SPIDR: variants seen among roughly 807,000 people sequenced by gnomAD.
The protein encoded by SPIDR is scaffold protein involved in DNA repair.
Under a neutral mutation model 104.6 loss-of-function variants are expected in SPIDR, and 93 were observed. The observed-to-expected ratio is 0.89, with a 90% confidence interval of 0.75 to 1.06. The LOEUF (loss-of-function observed/expected upper bound fraction) is 1.06. SPIDR is among the 50% of genes least tolerant of loss of function. SPIDR has a pLI of 0.00. For synonymous variants in SPIDR, 431 were observed against 416.9 expected (o/e 1.03, Z -0.41); for missense variants, 1,154 against 1,111.2 (o/e 1.04, Z -0.55).
chr8:47,401,379 T>C (rs554539006), intron 6 of SPIDR, among the ~76,000 whole-genome samples: 14 of 152,176 alleles, frequency 9.2e-5, no homozygotes, highest in Admixed American at 2.6e-4. Flanking sequence ...TGCAAAAACA[T>C]GCCAAATTGT....
intron 7 of SPIDR, among the ~76,000 whole-genome samples, chr8:47,438,854 G>T (rs1303557713): frequency 2.6e-5 from 4 of 152,056 alleles, no homozygotes; most frequent in African/African-American, 9.7e-5. Context: ...AAAAATTTGG[G>T]GTTGAATGGG....
At chr8:47,363,491 A>G (rs533844124) in intron 5 of SPIDR, among the ~76,000 whole-genome samples, 52 of 106,372 alleles carry the variant, frequency 4.9e-4, no homozygotes, top group Non-Finnish European at 8.3e-4. Context: ...TACCACGCCC[A>G]ACCTTTTTTA....
At position 47,502,346 on chromosome 8, in the gene SPIDR, A is replaced by G. The variant is rs571961755; in HGVS notation, c.1097+61804A>G. On this transcript the variant is annotated intron_variant, in intron 8 of 19. Coordinates refer to ENST00000297423, the MANE Select transcript of SPIDR (RefSeq NM_001080394.4). ...TGTTATTGGTCTATTCAGAGATTCAACTTCTTCCTGGTTTAGTCTTGGGAG... is the reference window on the plus strand; with the variant it reads ...TGTTATTGGTCTATTCAGAGATTCAGCTTCTTCCTGGTTTAGTCTTGGGAG... Among the ~76,000 whole-genome samples, 384 of 152,236 alleles carry G rather than the reference A, an allele frequency of 2.5e-3. 1 individual carries two copies. Among genetic ancestry groups the G allele is most frequent in the Non-Finnish European group, 4.4e-3 (301 of 68,012 alleles).
At position 47,456,607 on chromosome 8, in the gene SPIDR, T is replaced by G. The variant is rs370774255; in HGVS notation, c.1097+16065T>G. Among the ~76,000 whole-genome samples, 6 of 152,312 alleles carry G rather than the reference T, an allele frequency of 3.9e-5. No homozygotes were observed. In the East Asian group the frequency reaches 1.2e-3, roughly 29 times the overall value. ...TTGGTCCAAGGTTTTATTTTCTCTT[T>G]TTTAAATTAATTTATTTCCATAGGT... On this transcript the variant is annotated intron_variant, in intron 8 of 19. Coordinates refer to ENST00000297423, the MANE Select transcript of SPIDR (RefSeq NM_001080394.4).
intron 5 of SPIDR, among the ~76,000 whole-genome samples, chr8:47,323,696 C>T (rs1033046681): frequency 6.6e-6 from 1 of 152,136 alleles, no homozygotes; most frequent in Admixed American, 6.6e-5. Context: ...CAGCACACAG[C>T]TGAACATAGA....
intron 5 of SPIDR, among the ~76,000 whole-genome samples, chr8:47,376,348 A>G (rs2058662712): frequency 6.6e-6 from 1 of 152,134 alleles, no homozygotes. Context: ...TGTGATTGGA[A>G]GAGGATCCTG....
intron 5 of SPIDR, among the ~76,000 whole-genome samples, chr8:47,394,387 G>A (rs1250640784): frequency 2.6e-5 from 4 of 152,166 alleles, no homozygotes; most frequent in Non-Finnish European, 4.4e-5. Context: ...ATGGTTGCAC[G>A]TGAGTCCCCA....
intron 5 of SPIDR, among the ~76,000 whole-genome samples, chr8:47,303,371 T>G (rs1554579295): frequency 2.0e-5 from 3 of 152,222 alleles, no homozygotes; most frequent in Admixed American, 2.0e-4. Context: ...GGAAAGGGAA[T>G]TCCATGACCC....
intron 5 of SPIDR, among the ~76,000 whole-genome samples, chr8:47,369,950 G>A (rs1196822927): frequency 2.0e-5 from 3 of 151,684 alleles, no homozygotes; most frequent in African/African-American, 7.3e-5. Flanking sequence ...CCATTTTAAG[G>A]GAGAGTCTTT....
chr8:47,572,673 A>AAAATAAATAAATAAATAAATAAAT (rs56105115), intron 8 of SPIDR, among the ~76,000 whole-genome samples: 44 of 145,874 alleles, frequency 3.0e-4, no homozygotes, highest in East Asian at 6.1e-4. Context: ...AAATTAAATT[A>AAAATAAATAAATAAATAAATAAAT]AAATAAATAA....
chr8:47,339,073 C>T lies in SPIDR; in HGVS notation c.525+45043C>T, dbSNP rs142042124. On this transcript the variant is annotated intron_variant, in intron 5 of 19. Transcript: ENST00000297423. Reference sequence around the variant, plus strand: ...CTAGATCTTTGAATTTGTCTTAGTACAACTGCTCAGAGGGATTTTAAATAT... The same window carrying T: ...CTAGATCTTTGAATTTGTCTTAGTATAACTGCTCAGAGGGATTTTAAATAT... 8.5e-5 allele frequency among the ~76,000 whole-genome samples: 13 copies of T among 152,318 alleles called. No individual in the cohort carries two copies. The East Asian group carries it at 2.5e-3, about 29-fold the overall frequency.
At chr8:47,267,990 C>G (rs1431648525) in intron 1 of SPIDR, among the ~76,000 whole-genome samples, 1 of 152,072 alleles carries the variant, frequency 6.6e-6, no homozygotes, top group Non-Finnish European at 1.5e-5. Flanking sequence ...GTCTGTGATT[C>G]ATTTGGAGTT....
intron 9 of SPIDR, 111 bp from the exon 10 acceptor site, chr8:47,598,835 T>C: frequency 2.2e-6 from 3 of 1,371,522 alleles, no homozygotes; most frequent in South Asian, 1.3e-5. Flanking sequence ...TGCAGATCCA[T>C]TGGGTGGCTG....
At chr8:47,380,612 C>T (rs560219282) in intron 5 of SPIDR, among the ~76,000 whole-genome samples, 50 of 152,078 alleles carry the variant, frequency 3.3e-4, no homozygotes, top group African/African-American at 1.1e-3. Flanking sequence ...GCCAGGCTGA[C>T]GATAGGTGGA....
intron 5 of SPIDR, among the ~76,000 whole-genome samples, chr8:47,319,996 G>C (rs576009320): frequency 6.6e-6 from 1 of 150,412 alleles, no homozygotes; most frequent in Non-Finnish European, 1.5e-5. Context: ...GAGAAAGCAG[G>C]AAAGATCTAA....
At chr8:47,498,478 A>T (rs1233288075) in intron 8 of SPIDR, among the ~76,000 whole-genome samples, 2 of 152,184 alleles carry the variant, frequency 1.3e-5, no homozygotes, top group African/African-American at 4.8e-5. Context: ...AGTAATACAA[A>T]ACAATGCTTA....
At chr8:47,452,585 C>A (rs934200440) in intron 8 of SPIDR, among the ~76,000 whole-genome samples, 4 of 152,124 alleles carry the variant, frequency 2.6e-5, no homozygotes, top group Non-Finnish European at 5.9e-5. Context: ...CGTAATCCAG[C>A]ATATAAACAG....
At chr8:47,672,229 G>A (rs912208851) in intron 10 of SPIDR, among the ~76,000 whole-genome samples, 7 of 152,184 alleles carry the variant, frequency 4.6e-5, no homozygotes, top group African/African-American at 1.7e-4. Flanking sequence ...CCAAAGTGCT[G>A]GGATTACAGG....
At chr8:47,360,230 A>G (rs989260315) in intron 5 of SPIDR, among the ~76,000 whole-genome samples, 12 of 120,030 alleles carry the variant, frequency 1.0e-4, no homozygotes, top group African/African-American at 3.7e-4. Context: ...CAACAACAGA[A>G]TGAGACTCCA....
Sources: allele counts gnomAD v4.1 joint callset (sites outside exome capture counted in the v4.1 genomes callset), GRCh38; gene constraint gnomAD v4.1.1; transcripts MANE v1.5; gene names NCBI Gene and HGNC (gene_info 2026-07-23, HGNC 2026-07-21).